Variants in MOB3B observed in about 807,000 individuals in gnomAD.
MOB3B encodes the protein MOB kinase activator-like 2B.
Under a neutral mutation model 18.7 loss-of-function variants are expected in MOB3B, and 7 were observed. The ratio of observed to expected loss-of-function variants is 0.37; its 90% CI spans 0.21 to 0.70. MOB3B has a LOEUF of 0.70. Ranked by LOEUF, MOB3B falls within the 30% of genes least tolerant of loss-of-function variation. The pLI, the probability that MOB3B is intolerant of heterozygous loss-of-function variation, is 0.52. For synonymous variants in MOB3B, 111 were observed against 99.9 expected (o/e 1.11, Z -0.66); for missense variants, 253 against 281.3 (o/e 0.90, Z 0.72).
At chr9:27,405,093 C>CTTTTTTTTTTT (rs74178386) in intron 2 of MOB3B, among the ~76,000 whole-genome samples, 6 of 48,370 alleles carry the variant, frequency 1.2e-4, no homozygotes, top group African/African-American at 4.4e-4. Context: ...GAACCTTTGT[C>CTTTTTTTTTTT]TTTTTTTTTT....
chr9:27,405,233 G>A (rs1358077254), intron 2 of MOB3B, among the ~76,000 whole-genome samples: 2 of 149,886 alleles, frequency 1.3e-5, no homozygotes, highest in Non-Finnish European at 3.0e-5. Context: ...TCAGCCTCCT[G>A]AGTAGCTGGG....
At chr9:27,450,822 G>T (rs1360235044) in intron 2 of MOB3B, among the ~76,000 whole-genome samples, 11 of 152,152 alleles carry the variant, frequency 7.2e-5, no homozygotes, top group Non-Finnish European at 1.5e-4. Flanking sequence ...CTGGTAAAAT[G>T]AGATATTAAC....
chr9:27,390,449 C>G (rs1821711382), intron 2 of MOB3B, among the ~76,000 whole-genome samples: 1 of 152,156 alleles, frequency 6.6e-6, no homozygotes. Flanking sequence ...TGATCCTCCC[C>G]ACTCAGCCTC....
chr9:27,374,778 C>G (rs575297483), intron 2 of MOB3B, among the ~76,000 whole-genome samples: 21 of 152,368 alleles, frequency 1.4e-4, no homozygotes, highest in African/African-American at 5.0e-4. Context: ...AGACCTGGCA[C>G]AACTGGACTG....
chr9:27,491,464 T>A (rs983898436), intron 1 of MOB3B, among the ~76,000 whole-genome samples: 2 of 152,136 alleles, frequency 1.3e-5, no homozygotes, highest in African/African-American at 4.8e-5. Flanking sequence ...CCATAATAAG[T>A]CTATTTTCTG....
At chr9:27,412,737 C>T (rs997663840) in intron 2 of MOB3B, among the ~76,000 whole-genome samples, 5 of 152,184 alleles carry the variant, frequency 3.3e-5, no homozygotes, top group East Asian at 3.9e-4. Context: ...AAAATGAAGG[C>T]GACTCCAGCC....
chr9:27,521,349 G>A (rs1322837582), intron 1 of MOB3B, among the ~76,000 whole-genome samples: 1 of 152,166 alleles, frequency 6.6e-6, no homozygotes, highest in Admixed American at 6.5e-5. Context: ...ACTTCAAGAC[G>A]AATGACAATA....
At chr9:27,331,675 G>C (rs535511346) in intron 3 of MOB3B, among the ~76,000 whole-genome samples, 1 of 152,342 alleles carries the variant, frequency 6.6e-6, no homozygotes, top group East Asian at 1.9e-4. Flanking sequence ...AATGAGCCCT[G>C]TGCCATTTAG....
At chr9:27,476,931 C>T (rs1819562392) in intron 1 of MOB3B, among the ~76,000 whole-genome samples, 3 of 152,166 alleles carry the variant, frequency 2.0e-5, no homozygotes, top group Non-Finnish European at 4.4e-5. Context: ...AAGACTCCTC[C>T]AAGAGATCCA....
chr9:27,354,499 T>C (rs1233060028), intron 3 of MOB3B, among the ~76,000 whole-genome samples: 1 of 152,190 alleles, frequency 6.6e-6, no homozygotes, highest in African/African-American at 2.4e-5. Flanking sequence ...CTCTGTCTTA[T>C]TTTGCTTTTA....
At chr9:27,419,371 A>T (rs1311014700) in intron 2 of MOB3B, among the ~76,000 whole-genome samples, 3 of 152,168 alleles carry the variant, frequency 2.0e-5, no homozygotes, top group Non-Finnish European at 4.4e-5. Flanking sequence ...CAAAAGAACA[A>T]ATCTGGAGGC....
At chr9:27,472,642 G>A (rs902810176) in intron 1 of MOB3B, among the ~76,000 whole-genome samples, 1 of 121,100 alleles carries the variant, frequency 8.3e-6, no homozygotes, top group Non-Finnish European at 1.6e-5. Context: ...TCTGGTAAAA[G>A]CTCCCACTCT....
At chr9:27,410,836 A>G (rs1247919535) in intron 2 of MOB3B, among the ~76,000 whole-genome samples, 1 of 152,178 alleles carries the variant, frequency 6.6e-6, no homozygotes, top group Non-Finnish European at 1.5e-5. Flanking sequence ...TGATTGAATT[A>G]TCTTTCTCTC....
chr9:27,524,421 G>A, intron 1 of MOB3B: 1 of 1,614,084 alleles, frequency 6.2e-7, no homozygotes. Context: ...CCTATCCCTG[G>A]ACTGTAACTT....
At chr9:27,361,097 T>C (rs1821268737) in intron 2 of MOB3B, among the ~76,000 whole-genome samples, 1 of 152,200 alleles carries the variant, frequency 6.6e-6, no homozygotes, top group African/African-American at 2.4e-5. Context: ...GGGAGTCCTG[T>C]AACCCACCTG....
intron 2 of MOB3B, among the ~76,000 whole-genome samples, chr9:27,450,963 T>A (rs1326035060): frequency 6.6e-6 from 1 of 152,202 alleles, no homozygotes; most frequent in East Asian, 1.9e-4. Flanking sequence ...CTTTGTTCTT[T>A]CCTGCCCTGA....
At chr9:27,470,861 C>G (rs1004657378) in intron 1 of MOB3B, among the ~76,000 whole-genome samples, 7 of 152,200 alleles carry the variant, frequency 4.6e-5, no homozygotes, top group African/African-American at 1.7e-4. Context: ...TTATTGAGTT[C>G]TATACTCTTC....
At chr9:27,470,778 T>C (rs1357191586) in intron 1 of MOB3B, among the ~76,000 whole-genome samples, 1 of 152,164 alleles carries the variant, frequency 6.6e-6, no homozygotes, top group Non-Finnish European at 1.5e-5. Flanking sequence ...TCTGGCTTTG[T>C]TTCTGCCATC....
intron 3 of MOB3B, among the ~76,000 whole-genome samples, chr9:27,354,996 C>G (rs1821165452): frequency 6.6e-6 from 1 of 152,158 alleles, no homozygotes; most frequent in African/African-American, 2.4e-5. Flanking sequence ...TATTATTATA[C>G]CCATGCTATG....
Sources: gnomAD v4.1 joint callset for allele counts (sites outside exome capture counted in the v4.1 genomes callset) on GRCh38, gnomAD v4.1.1 for gene constraint, MANE v1.5 for transcripts, NCBI Gene and HGNC (gene_info 2026-07-23, HGNC 2026-07-21) for gene names.